The following ADCY5 variants were observed in gnomAD, a reference collection of about 807,000 sequenced individuals.
ADCY5 encodes the protein adenylate cyclase 5.
Under a neutral mutation model 119.7 loss-of-function variants are expected in ADCY5, and 30 were observed. That is an observed-to-expected ratio of 0.25 (90% CI 0.19 to 0.34). The LOEUF is 0.34. Among genes scored for constraint, ADCY5 ranks in the 10% least tolerant of loss-of-function variants. The probability of loss-of-function intolerance (pLI) is 1.00; values close to 1 mark genes in which losing one functional copy is unlikely to be tolerated. For missense variants in ADCY5, 1,324 were observed against 1,775.2 expected (o/e 0.75, Z 4.57); for synonymous variants, 753 against 762.2 (o/e 0.99, Z 0.20).
At chr3:123,401,355 C>T (rs1006630189) in intron 1 of ADCY5, among the ~76,000 whole-genome samples, 1 of 152,158 alleles carries the variant, frequency 6.6e-6, no homozygotes, top group Non-Finnish European at 1.5e-5. Flanking sequence ...AACCAGGGAC[C>T]AGCAGAGCCC....
intron 3 of ADCY5, among the ~76,000 whole-genome samples, chr3:123,344,570 C>A (rs1942440884): frequency 6.6e-6 from 1 of 152,188 alleles, no homozygotes; most frequent in Admixed American, 6.5e-5. Flanking sequence ...GTAACTTGTC[C>A]TGGTCACATG....
At chr3:123,364,689 GGCC>G (rs1192819733) in intron 1 of ADCY5, among the ~76,000 whole-genome samples, 5 of 151,998 alleles carry the variant, frequency 3.3e-5, no homozygotes, top group African/African-American at 1.2e-4. Flanking sequence ...ACCTCTTGAT[GGCC>G]GCATTTACAA....
intron 3 of ADCY5, among the ~76,000 whole-genome samples, chr3:123,342,428 C>G (rs921452329): frequency 1.3e-5 from 2 of 152,140 alleles, no homozygotes; most frequent in African/African-American, 4.8e-5. Flanking sequence ...CCCCAAGACC[C>G]TGCCCCACCC....
chr3:123,307,762 G>A (rs1359430108), intron 12 of ADCY5, among the ~76,000 whole-genome samples: 1 of 152,060 alleles, frequency 6.6e-6, no homozygotes, highest in African/African-American at 2.4e-5. Context: ...CCAATGTAAT[G>A]ACTGATAGAG....
chr3:123,375,200 T>C (rs755283931), intron 1 of ADCY5, among the ~76,000 whole-genome samples: 4 of 152,198 alleles, frequency 2.6e-5, no homozygotes, highest in Non-Finnish European at 4.4e-5. Flanking sequence ...TGCTGAGAAG[T>C]TCGACGTGGA....
At chr3:123,427,225 C>G (rs1945434037) in intron 1 of ADCY5, among the ~76,000 whole-genome samples, 1 of 152,184 alleles carries the variant, frequency 6.6e-6, no homozygotes, top group South Asian at 2.1e-4. Flanking sequence ...CTAGGCTCTC[C>G]CTCTGTAGAC....
chr3:123,356,407 T>C (rs1943038536), intron 1 of ADCY5, among the ~76,000 whole-genome samples: 1 of 152,214 alleles, frequency 6.6e-6, no homozygotes, highest in Non-Finnish European at 1.5e-5. Flanking sequence ...TTCACACCTT[T>C]AGTTTTGACA....
chr3:123,391,086 G>T (rs1374462164), intron 1 of ADCY5, among the ~76,000 whole-genome samples: 2 of 152,346 alleles, frequency 1.3e-5, no homozygotes, highest in South Asian at 4.1e-4. Flanking sequence ...CAGCACACCT[G>T]CACATGAGGA....
chr3:123,312,089 C>A (rs1940621797), intron 12 of ADCY5, among the ~76,000 whole-genome samples: 1 of 152,126 alleles, frequency 6.6e-6, no homozygotes. Flanking sequence ...CCCATCCTTC[C>A]CCTCCTCCAC....
At chr3:123,285,155 G>T (rs1938653805) in intron 20 of ADCY5, among the ~76,000 whole-genome samples, 2 of 152,170 alleles carry the variant, frequency 1.3e-5, no homozygotes. Context: ...ATCCCTCCGT[G>T]ACAGATCAGA....
chr3:123,394,598 T>C (rs928333086), intron 1 of ADCY5, among the ~76,000 whole-genome samples: 1 of 152,120 alleles, frequency 6.6e-6, no homozygotes, highest in Admixed American at 6.5e-5. Flanking sequence ...GAAGGTAGGA[T>C]GGGGGCGGGG....
chr3:123,377,929 CAAAAA>C (rs10662985), intron 1 of ADCY5, among the ~76,000 whole-genome samples: 1 of 84,558 alleles, frequency 1.2e-5, no homozygotes, highest in Non-Finnish European at 2.1e-5. Flanking sequence ...GACTCCATCT[CAAAAA>C]AAAAAAAAAA....
chr3:123,319,238 C>T (rs1409862964), intron 10 of ADCY5, among the ~76,000 whole-genome samples: 2 of 151,738 alleles, frequency 1.3e-5, no homozygotes, highest in African/African-American at 4.8e-5. Context: ...CCTATAATCC[C>T]AGCTACACAG....
At chr3:123,421,134 T>C (rs1427479035) in intron 1 of ADCY5, among the ~76,000 whole-genome samples, 1 of 152,232 alleles carries the variant, frequency 6.6e-6, no homozygotes, top group Non-Finnish European at 1.5e-5. Flanking sequence ...ATATCCTTTT[T>C]GGGAGACAGT....
chr3:123,365,118 G>A (rs1943387771), intron 1 of ADCY5, among the ~76,000 whole-genome samples: 1 of 151,994 alleles, frequency 6.6e-6, no homozygotes, highest in African/African-American at 2.4e-5. Flanking sequence ...ATTTTTAGTA[G>A]AGACGAGGTT....
intron 1 of ADCY5, among the ~76,000 whole-genome samples, chr3:123,358,243 C>A (rs1363038592): frequency 2.7e-5 from 4 of 148,348 alleles, no homozygotes; most frequent in African/African-American, 1.0e-4. Context: ...CCACAGTACA[C>A]CAAGTGGAGT....
intron 1 of ADCY5, among the ~76,000 whole-genome samples, chr3:123,360,407 G>A (rs1193546124): frequency 2.6e-5 from 4 of 152,072 alleles, no homozygotes; most frequent in Non-Finnish European, 5.9e-5. Context: ...AGCTTAGGAT[G>A]CCTCCTGAGG....
chr3:123,413,238 C>T (rs1413366456), intron 1 of ADCY5, among the ~76,000 whole-genome samples: 1 of 152,220 alleles, frequency 6.6e-6, no homozygotes, highest in Non-Finnish European at 1.5e-5. Flanking sequence ...AAGGCAGGAG[C>T]TGAGCGTGCC....
At chr3:123,382,187 G>C (rs1944055403) in intron 1 of ADCY5, among the ~76,000 whole-genome samples, 1 of 152,194 alleles carries the variant, frequency 6.6e-6, no homozygotes, top group Non-Finnish European at 1.5e-5. Flanking sequence ...CAAAGGACCA[G>C]ATATCCTTTT....
Sources: gnomAD v4.1 joint callset for allele counts (sites outside exome capture counted in the v4.1 genomes callset) on GRCh38, gnomAD v4.1.1 for gene constraint, MANE v1.5 for transcripts, NCBI Gene and HGNC (gene_info 2026-07-23, HGNC 2026-07-21) for gene names.